The following BIRC6 variants were observed in gnomAD, a reference collection of about 807,000 sequenced individuals.
The protein encoded by BIRC6 is dual E2 ubiquitin-conjugating enzyme/E3 ubiquitin-protein ligase BIRC6.
Under a neutral mutation model 503.3 loss-of-function variants are expected in BIRC6, and 98 were observed. The ratio of observed to expected loss-of-function variants is 0.19; its 90% CI spans 0.17 to 0.23. The LOEUF is 0.23. Ranked by LOEUF, BIRC6 falls within the 10% of genes least tolerant of loss-of-function variation. BIRC6 has a pLI of 1.00. For missense variants in BIRC6, 5,360 were observed against 5,806.0 expected (o/e 0.92, Z 2.50); for synonymous variants, 2,240 against 2,078.7 (o/e 1.08, Z -2.11).
chr2:32,528,225 T>TC (rs2056439415), intron 59 of BIRC6: 1 of 151,590 alleles, frequency 6.6e-6, no homozygotes. Context: ...AGCTGCTTTT[T>TC]CCTTTTTTTT....
intron 65 of BIRC6, among the ~76,000 whole-genome samples, chr2:32,568,965 G>A (rs1418116933): frequency 6.6e-6 from 1 of 150,938 alleles, no homozygotes; most frequent in Non-Finnish European, 1.5e-5. Context: ...CTTTTTGGAG[G>A]AGTCTCCCAT....
chr2:32,435,665 T>C, intron 14 of BIRC6, 80 bp downstream of exon 14: 1 of 1,398,776 alleles, frequency 7.1e-7, no homozygotes, highest in Non-Finnish European at 9.4e-7. Flanking sequence ...CAAGATTTCC[T>C]TATGGCTTGC....
rs1435227251 is a variant in BIRC6 at position 32,442,312 on chromosome 2, A to G, written c.4107-12A>G. On this transcript the variant is annotated splice_polypyrimidine_tract_variant and intron_variant, in intron 18 of 73. Coordinates refer to ENST00000421745, the MANE Select transcript of BIRC6 (RefSeq NM_016252.4). ...TTCAGGATGAGTCTAAATGTCTGCT[A>G]TTGTTTTGCAGCTCAAAGGAAGGAA... The G allele has an allele frequency of 2.5e-6, 4 of 1,612,964 alleles. No individual in the cohort carries two copies. Among genetic ancestry groups the G allele is most frequent in the East Asian group, 4.5e-5 (2 of 44,868 alleles).
At chr2:32,480,445 C>T (rs1412198926) in intron 37 of BIRC6, among the ~76,000 whole-genome samples, 1 of 152,068 alleles carries the variant, frequency 6.6e-6, no homozygotes, top group Non-Finnish European at 1.5e-5. Flanking sequence ...AACCCTCATA[C>T]AGGCTGGCAT....
intron 55 of BIRC6, among the ~76,000 whole-genome samples, chr2:32,517,187 C>G (rs1007091916): frequency 6.6e-6 from 1 of 151,764 alleles, no homozygotes; most frequent in African/African-American, 2.4e-5. Context: ...AAATCATAAC[C>G]AAAATTAGCC....
At chr2:32,495,871 T>C (rs1203378478) in intron 45 of BIRC6, among the ~76,000 whole-genome samples, 1 of 147,700 alleles carries the variant, frequency 6.8e-6, no homozygotes, top group African/African-American at 2.5e-5. Flanking sequence ...GGAGTCTCTC[T>C]CTGTCACCCA....
chr2:32,545,955 C>A, intron 63 of BIRC6, 95 bp downstream of exon 63: 2 of 1,101,004 alleles, frequency 1.8e-6, no homozygotes, highest in Admixed American at 2.5e-5. Context: ...CTTTCAGAGA[C>A]TTGGGTGTTC....
At chr2:32,476,404 A>ATT in intron 34 of BIRC6, 60 bp downstream of exon 34, 1 of 1,483,986 alleles carries the variant, frequency 6.7e-7, no homozygotes, top group Non-Finnish European at 9.0e-7. Flanking sequence ...ATGATCTTTA[A>ATT]TTACGATCGA....
intron 73 of BIRC6, among the ~76,000 whole-genome samples, chr2:32,616,104 A>G (rs2063217732): frequency 6.6e-6 from 1 of 152,214 alleles, no homozygotes; most frequent in South Asian, 2.1e-4. Flanking sequence ...TAATCTCTAT[A>G]GATCTTCTTT....
chr2:32,401,193 C>T lies in BIRC6; in HGVS notation c.1065C>T (p.Cys355=). Residue 355 remains cysteine, a synonymous_variant, in exon 7 of 74, where the codon TGC becomes TGT. Transcript: ENST00000421745. ...AACACGAAAGACATTCCCCAAACTG[C>T]CCATTTGTGAAAGGTGAGCACACAC... ...WSEHERHSPN[C]PFVKGEHTQN... 6.2e-7 allele frequency: 1 copy of T among 1,613,950 alleles called. No individual in the cohort carries two copies.
At chr2:32,397,707 CACACACAT>C (rs903494337) in intron 6 of BIRC6, among the ~76,000 whole-genome samples, 1 of 150,472 alleles carries the variant, frequency 6.6e-6, no homozygotes, top group African/African-American at 2.5e-5. Context: ...CACACACACA[CACACACAT>C]ATATACACCA....
In BIRC6 at chr2:32,468,605, A is replaced by C; in HGVS notation, c.5949A>C (p.Gln1983His). 1 of 1,614,036 alleles carries C rather than the reference A, an allele frequency of 6.2e-7. No homozygotes were observed. ...AAGATTGTATTCAGCTACAGCTTCA[A>C]CTAAATTTGGCTCATAATGCAGTGC... ...AYQDCIQLQL[Q>H]LNLAHNAVQR... Residue 1983 changes from glutamine to histidine, a missense_variant, in exon 29 of 74, where the codon CAA (glutamine) becomes CAC (histidine). Gln to His is a conservative substitution (Grantham distance 24). Around this residue, in one of 16 missense-constraint regions of BIRC6, gnomAD observed 2,299 missense variants for 2,267.2 expected, o/e 1.01. Coordinates refer to ENST00000421745, the MANE Select transcript of BIRC6 (RefSeq NM_016252.4).
chr2:32,362,442 A>G (rs945493239), intron 1 of BIRC6, among the ~76,000 whole-genome samples: 3 of 150,860 alleles, frequency 2.0e-5, no homozygotes, highest in African/African-American at 4.9e-5. Context: ...CAGCCTCCCA[A>G]CTAGCTGGGA....
At chr2:32,444,355 C>CAT (rs970532947) in intron 20 of BIRC6, among the ~76,000 whole-genome samples, 1 of 152,044 alleles carries the variant, frequency 6.6e-6, no homozygotes, top group African/African-American at 2.4e-5. Flanking sequence ...CAAAACATCA[C>CAT]ATATACCCCC....
chr2:32,501,121 A>C (rs923182466), intron 46 of BIRC6, among the ~76,000 whole-genome samples: 1 of 152,216 alleles, frequency 6.6e-6, no homozygotes, highest in Non-Finnish European at 1.5e-5. Flanking sequence ...TTGGAATGTT[A>C]ATACATTACA....
chr2:32,418,277 T>C (rs1199124513), intron 10 of BIRC6, among the ~76,000 whole-genome samples: 2 of 152,240 alleles, frequency 1.3e-5, no homozygotes, highest in Admixed American at 1.3e-4. Context: ...TTATTGGTCA[T>C]ATATGTGCCA....
rs538433306 is a variant in BIRC6 at position 32,556,669 on chromosome 2, C to T, written c.13144+7188C>T. On this transcript the variant is annotated intron_variant, in intron 65 of 73. Transcript: ENST00000421745. ...AAATGCTTTAAAAAAGTCCTACAGG[C>T]CAGGCTCGGTGGCTCAAGCCTGTAA... 4.7e-4 allele frequency among the ~76,000 whole-genome samples: 72 copies of T among 152,242 alleles called. No individual in the cohort carries two copies. In the Middle Eastern group the frequency reaches 0.014, roughly 29 times the overall value.
At chr2:32,384,025 G>A (rs1312403023) in intron 3 of BIRC6, among the ~76,000 whole-genome samples, 1 of 152,114 alleles carries the variant, frequency 6.6e-6, no homozygotes, top group African/African-American at 2.4e-5. Flanking sequence ...TTATTCAGTG[G>A]CAAGAGGACC....
intron 8 of BIRC6, among the ~76,000 whole-genome samples, chr2:32,403,965 T>G (rs1215063809): frequency 6.6e-6 from 1 of 150,940 alleles, no homozygotes; most frequent in African/African-American, 2.4e-5. Flanking sequence ...TCTCACCCTG[T>G]CGCCCAGGTT....
Sources: gnomAD v4.1 joint callset for allele counts (sites outside exome capture counted in the v4.1 genomes callset) on GRCh38, gnomAD v4.1.1 for gene constraint, gnomAD v4.1.1 regional missense constraint, MANE v1.5 for transcripts, NCBI Gene and HGNC (gene_info 2026-07-23, HGNC 2026-07-21) for gene names.